Variants in KHDC4 observed in about 807,000 individuals in gnomAD.
KHDC4 encodes KH domain containing 4, pre-mRNA splicing factor, also known as KH homology domain-containing protein 4.
A neutral mutation model predicts 74.5 loss-of-function variants in KHDC4; 19 were observed. That is an observed-to-expected ratio of 0.26 (90% confidence interval 0.18 to 0.37). The LOEUF (loss-of-function observed/expected upper bound fraction) is 0.37, where lower values mean the gene tolerates loss of function less well. Among genes scored for constraint, KHDC4 ranks in the 10% least tolerant of loss-of-function variants. The probability of loss-of-function intolerance (pLI) is 1.00; values close to 1 mark genes in which losing one functional copy is unlikely to be tolerated. For synonymous variants in KHDC4, 253 were observed against 266.1 expected (o/e 0.95, Z 0.48); for missense variants, 632 against 754.1 (o/e 0.84, Z 1.90).
chr1:155,916,573 A>G, intron 12 of KHDC4, 52 bp downstream of exon 12: 1 of 1,209,594 alleles, frequency 8.3e-7, no homozygotes, highest in Non-Finnish European at 1.2e-6. Context: ...ACTCTCACTA[A>G]TGGTGCAAAC....
chr1:155,913,988 G>A lies in KHDC4; in HGVS notation c.*133C>T. The A allele has an allele frequency of 5.8e-6, 4 of 695,516 alleles. No individual in the cohort carries two copies. The South Asian group carries it at 7.6e-5, about 13-fold the overall frequency. 43.1% of individuals were successfully genotyped at this position (695,516 alleles called of 1,614,324 possible). On this transcript the variant is annotated 3_prime_UTR_variant, in exon 14 of 14. Coordinates refer to ENST00000368321, the MANE Select transcript of KHDC4 (RefSeq NM_014949.4). ...TTGTTAAGGAACCCCTTTAAGAAAG[G>A]GGGGCACTGAATCTCTAACTTCTGC...
chr1:155,915,735 G>A (rs1572003459), intron 13 of KHDC4, 138 bp downstream of exon 13: 6 of 572,910 alleles, frequency 1.0e-5, no homozygotes, highest in Middle Eastern at 5.4e-4. Context: ...TTGAACTCCT[G>A]ACCTTAGGTG....
chr1:155,926,026 C>T (rs755657311), intron 6 of KHDC4, 183 bp from the exon 7 acceptor site: 2 of 756,692 alleles, frequency 2.6e-6, no homozygotes, highest in South Asian at 2.7e-5. Context: ...ACCCTTTTTT[C>T]TAGGAGGAAT....
At chr1:155,921,244 A>G in intron 10 of KHDC4, 131 bp downstream of exon 10, 1 of 1,045,036 alleles carries the variant, frequency 9.6e-7, no homozygotes, top group South Asian at 1.5e-5. Context: ...GGTTGGTGGT[A>G]GGAACACAGA....
intron 10 of KHDC4, among the ~76,000 whole-genome samples, chr1:155,918,254 A>G (rs1673776892): frequency 1.3e-5 from 2 of 152,126 alleles, no homozygotes; most frequent in Non-Finnish European, 2.9e-5. Flanking sequence ...TGTTTTTGAG[A>G]CAGAGTCTCA....
chr1:155,914,396 A>T (rs1673688257), intron 13 of KHDC4, 76 bp from the exon 14 acceptor site: 1 of 1,211,268 alleles, frequency 8.3e-7, no homozygotes, highest in African/African-American at 1.5e-5. Flanking sequence ...TCGTTAATTA[A>T]AAAAAAGATG....
chr1:155,914,585 G>A (rs983547268), intron 13 of KHDC4: 2 of 396,970 alleles, frequency 5.0e-6, no homozygotes, highest in Non-Finnish European at 8.9e-6. Context: ...AAGAAAAAAA[G>A]GAAAGTTAGC....
intron 6 of KHDC4, chr1:155,926,403 C>T (rs1673998762): frequency 2.5e-6 from 1 of 397,478 alleles, no homozygotes; most frequent in Non-Finnish European, 4.6e-6. Flanking sequence ...GGTCTCAGCT[C>T]CCTGCAACCT....
Position 155,914,003 on chromosome 1 carries a change from C to CT in KHDC4, c.*117dup. The CT allele has an allele frequency of 1.2e-6, 1 of 834,532 alleles. No individual in the cohort carries two copies. Among genetic ancestry groups the CT allele is most frequent in the Admixed American group, 2.5e-5 (1 of 40,044 alleles). The allele number at this position is 834,532 out of a possible 1,614,324, so 51.7% of individuals were successfully genotyped here. A position where few individuals can be genotyped will look rare whatever the true frequency, so the allele number is the denominator to read the frequency against. Reference sequence around the variant, plus strand: ...TTTAAGAAAGGGGGGCACTGAATCTCTAACTTCTGCAAAGGTCCAGATGGT... The same window carrying CT: ...TTTAAGAAAGGGGGGCACTGAATCTCTTAACTTCTGCAAAGGTCCAGATGGT... On this transcript the variant is annotated 3_prime_UTR_variant, in exon 14 of 14. Coordinates refer to ENST00000368321, the MANE Select transcript of KHDC4 (RefSeq NM_014949.4).
intron 7 of KHDC4, 126 bp from the exon 8 acceptor site, chr1:155,923,813 C>T: frequency 1.5e-6 from 1 of 652,562 alleles, no homozygotes; most frequent in Non-Finnish European, 2.7e-6. Flanking sequence ...AAATCTAGGC[C>T]TCTGAAAATC....
At chr1:155,915,659 C>A in intron 13 of KHDC4, 1 of 478,970 alleles carries the variant, frequency 2.1e-6, no homozygotes, top group Non-Finnish European at 3.7e-6. Context: ...AGGCGCCCAC[C>A]ACCATGCCCG....
chr1:155,929,042 T>C (rs548055547), intron 4 of KHDC4, among the ~76,000 whole-genome samples: 43 of 152,054 alleles, frequency 2.8e-4, no homozygotes, highest in African/African-American at 9.6e-4. Context: ...ATGTTAGTGG[T>C]TAGTATCTTC....
In KHDC4 at chr1:155,914,052, T is replaced by G; in HGVS notation, c.*69A>C. The G allele has an allele frequency of 7.5e-7, 1 of 1,338,604 alleles. No homozygotes were observed. 82.9% of individuals were successfully genotyped at this position (1,338,604 alleles called of 1,614,324 possible). A position where few individuals can be genotyped will look rare whatever the true frequency, so the allele number is the denominator to read the frequency against. The stretch of plus-strand genomic sequence containing the variant: ...GTTCCCAGCACAGGCCCCAGAGTCT[T>G]GTTAAATCAAATGCATGCATTATTG... On this transcript the variant is annotated 3_prime_UTR_variant, in exon 14 of 14. Transcript: ENST00000368321.
At chr1:155,923,798 A>G in intron 7 of KHDC4, 111 bp from the exon 8 acceptor site, 1 of 763,162 alleles carries the variant, frequency 1.3e-6, no homozygotes, top group Non-Finnish European at 2.2e-6. Flanking sequence ...CATTCACTGT[A>G]GCTCAAATCT....
At chr1:155,933,457 T>C in intron 2 of KHDC4, 176 bp downstream of exon 2, 1 of 487,836 alleles carries the variant, frequency 2.0e-6, no homozygotes, top group Non-Finnish European at 3.7e-6. Flanking sequence ...GACTAATTTT[T>C]GTATTTTCAG....
chr1:155,923,174 C>T (rs945151824), intron 8 of KHDC4, among the ~76,000 whole-genome samples: 26 of 150,216 alleles, frequency 1.7e-4, no homozygotes, highest in Admixed American at 1.3e-3. Context: ...CACTGCACTC[C>T]AGCCTGGGCG....
intron 10 of KHDC4, chr1:155,920,066 G>A (rs560392738): frequency 2.1e-6 from 1 of 476,246 alleles, no homozygotes; most frequent in Non-Finnish European, 4.2e-6. Flanking sequence ...TCTCTCCCCT[G>A]CCTCCAAGAC....
At chr1:155,924,574 CTTTT>C (rs550965042) in intron 7 of KHDC4, among the ~76,000 whole-genome samples, 5 of 132,282 alleles carry the variant, frequency 3.8e-5, no homozygotes, top group Admixed American at 1.6e-4. Flanking sequence ...AATAATTTCT[CTTTT>C]TTTTTTTTTT....
Position 155,925,636 on chromosome 1 carries a change from T to C in KHDC4, c.889A>G (p.Ile297Val). 6.2e-7 allele frequency: 1 copy of C among 1,613,650 alleles called. No individual in the cohort carries two copies. Among genetic ancestry groups the C allele is most frequent in the Non-Finnish European group, 8.5e-7 (1 of 1,179,522 alleles). Residue 297 changes from isoleucine (I) to valine (V), a missense_variant, in exon 7 of 14, where the codon ATC becomes GTC. Physicochemically the swap from Ile to Val is conservative, Grantham distance 29 (BLOSUM62 3). This residue lies in a region of KHDC4 where 233 missense variants were observed against 342.6 expected (regional missense o/e 0.68). Coordinates refer to ENST00000368321, the MANE Select transcript of KHDC4 (RefSeq NM_014949.4). ...CCCTGCCCTATCCATCCATACCTGA[T>C]GTAAATATACATAGGTTCAAAAGCT... ...REAFEPMYIY[I>V]SHPKPEGLAA...
Sources: gnomAD v4.1 joint callset for allele counts (sites outside exome capture counted in the v4.1 genomes callset) on GRCh38, gnomAD v4.1.1 for gene constraint, gnomAD v4.1.1 regional missense constraint, MANE v1.5 for transcripts, NCBI Gene and HGNC (gene_info 2026-07-23, HGNC 2026-07-21) for gene names.